PIEZO2: variants seen among roughly 807,000 people sequenced by gnomAD.
The protein encoded by PIEZO2 is piezo type mechanosensitive ion channel component 2.
Under a neutral mutation model 337.3 loss-of-function variants are expected in PIEZO2, and 172 were observed. The observed-to-expected ratio is 0.51, with a 90% CI of 0.45 to 0.58. The LOEUF (loss-of-function observed/expected upper bound fraction) is 0.58, where lower values mean the gene tolerates loss of function less well. Among genes scored for constraint, PIEZO2 ranks in the 20% least tolerant of loss-of-function variants. The probability of loss-of-function intolerance (pLI) is 0.00; values close to 1 mark genes in which losing one functional copy is unlikely to be tolerated. For synonymous variants in PIEZO2, 1,251 were observed against 1,228.5 expected, an observed-to-expected ratio of 1.02 and a Z score of -0.38; for missense variants, 3,028 against 3,391.3, an observed-to-expected ratio of 0.89 and a Z score of 2.66.
In PIEZO2 at chr18:10,775,283, CCA is replaced by C. The variant is rs2038744596; in HGVS notation, c.2535-1247_2535-1246del. ...GCAACCCATATCTTCTATACCAGTGCCACACACCAAATCTCAGGGAACACATT... is the reference window on the plus strand; with the variant it reads ...GCAACCCATATCTTCTATACCAGTGCCACACCAAATCTCAGGGAACACATT... On this transcript the variant is annotated intron_variant, in intron 18 of 55. Coordinates refer to ENST00000674853, the MANE Select transcript of PIEZO2 (RefSeq NM_001378183.1). This position sits in a 1 kb window ranked among gnomAD's most constrained non-coding sequence, Gnocchi z 4.3. Among the ~76,000 whole-genome samples, 1 of 152,118 alleles carries C rather than the reference CCA, an allele frequency of 6.6e-6. No homozygotes were observed. Among genetic ancestry groups the C allele is most frequent in the Non-Finnish European group, 1.5e-5 (1 of 68,026 alleles).
intron 36 of PIEZO2, among the ~76,000 whole-genome samples, chr18:10,730,789 C>G (rs184569781): frequency 7.6e-4 from 116 of 152,208 alleles, no homozygotes; most frequent in African/African-American, 2.3e-3. Context: ...TGCAGTGGTG[C>G]GATCTTGGCT....
Position 10,759,938 on chromosome 18 carries a change from A to T in PIEZO2, c.3451-29T>A, listed in dbSNP as rs1215712326. ...TGTAAAGATGAAAAGAGGCAAAAAA[A>T]AAAAATCAGGCATATGGGAAAGGGG... On this transcript the variant is annotated intron_variant, in intron 24 of 55. Transcript: ENST00000674853. This position sits in a 1 kb window ranked among gnomAD's most constrained non-coding sequence, Gnocchi z 5.5. 15 of 1,520,948 alleles carry T rather than the reference A, an allele frequency of 9.9e-6. No individual in the cohort carries two copies. Among genetic ancestry groups the T allele is most frequent in the South Asian group, 6.0e-5 (5 of 83,716 alleles). The allele number at this position is 1,520,948 out of a possible 1,614,324, so 94.2% of individuals were successfully genotyped here. A position where few individuals can be genotyped will look rare whatever the true frequency, so the allele number is the denominator to read the frequency against.
At chr18:10,777,294 T>C (rs1231876870) in intron 18 of PIEZO2, among the ~76,000 whole-genome samples, 1 of 152,210 alleles carries the variant, frequency 6.6e-6, no homozygotes, top group Non-Finnish European at 1.5e-5. Context: ...AGTATTTGTT[T>C]GTGTCTTCAC....
intron 7 of PIEZO2, among the ~76,000 whole-genome samples, chr18:10,808,763 G>T (rs1015520834): frequency 3.3e-5 from 5 of 152,138 alleles, no homozygotes; most frequent in African/African-American, 1.2e-4. Context: ...AAATGTTTTT[G>T]CAGCCCTAGA....
At chr18:11,041,571 GT>G (rs2037123234) in intron 2 of PIEZO2, among the ~76,000 whole-genome samples, 1 of 152,140 alleles carries the variant, frequency 6.6e-6, no homozygotes, top group Non-Finnish European at 1.5e-5. Flanking sequence ...ACATCATGAT[GT>G]TACTCATTGT....
At chr18:11,118,835 A>C (rs2039957932) in intron 1 of PIEZO2, among the ~76,000 whole-genome samples, 2 of 152,198 alleles carry the variant, frequency 1.3e-5, no homozygotes, top group African/African-American at 4.8e-5. Context: ...TAAATATCTT[A>C]GATAACGGTT....
chr18:10,852,441 G>A (rs2041582670), intron 7 of PIEZO2, among the ~76,000 whole-genome samples: 1 of 152,108 alleles, frequency 6.6e-6, no homozygotes, highest in Non-Finnish European at 1.5e-5. Context: ...GGATTTGACT[G>A]AATAGCTCTC....
At chr18:10,801,505 T>C in intron 9 of PIEZO2, 77 bp from the exon 10 acceptor site, 1 of 1,320,096 alleles carries the variant, frequency 7.6e-7, no homozygotes, top group South Asian at 1.3e-5. Context: ...TATAAAGTTT[T>C]ACTGTGCACA....
chr18:10,765,513 C>T lies in PIEZO2; in HGVS notation c.2947-2415G>A, dbSNP rs192181667. Among the ~76,000 whole-genome samples the T allele has an allele frequency of 1.2e-3, 190 of 152,102 alleles. 2 individuals carry two copies. The highest frequency in any genetic ancestry group is 4.3e-3 in the African/African-American group (178 of 41,494). On this transcript the variant is annotated intron_variant, in intron 21 of 55. Coordinates refer to ENST00000674853, the MANE Select transcript of PIEZO2 (RefSeq NM_001378183.1). ...TGCCCTGTGGGAAGACTATTCTGGC[C>T]GCATTGTGGAATACGTATTGCAAGG... is the stretch of plus-strand genomic sequence containing the variant.
At chr18:10,710,244 C>T (rs1349865491) in intron 39 of PIEZO2, among the ~76,000 whole-genome samples, 2 of 152,210 alleles carry the variant, frequency 1.3e-5, no homozygotes, top group Admixed American at 1.3e-4. Flanking sequence ...TAATCCCACA[C>T]AGTTGGGTTC....
At chr18:10,808,573 A>T (rs1224859980) in intron 7 of PIEZO2, among the ~76,000 whole-genome samples, 1 of 152,206 alleles carries the variant, frequency 6.6e-6, no homozygotes, top group Non-Finnish European at 1.5e-5. Context: ...AGCTAAATAG[A>T]TATTAAACTA....
intron 2 of PIEZO2, among the ~76,000 whole-genome samples, chr18:10,990,902 A>G (rs2145553278): frequency 6.6e-6 from 1 of 152,158 alleles, no homozygotes; most frequent in African/African-American, 2.4e-5. Context: ...GATAAAGTTG[A>G]CAATATTTTG....
chr18:10,693,948 TATA>T (rs1342092615), intron 47 of PIEZO2, among the ~76,000 whole-genome samples: 3 of 152,130 alleles, frequency 2.0e-5, no homozygotes, highest in Non-Finnish European at 2.9e-5. Flanking sequence ...ATGAAAAAAT[TATA>T]ATATTTGTAC....
chr18:10,951,649 G>A (rs1200612610), intron 3 of PIEZO2, among the ~76,000 whole-genome samples: 1 of 152,146 alleles, frequency 6.6e-6, no homozygotes, highest in African/African-American at 2.4e-5. Flanking sequence ...ACTTTCCAAG[G>A]TCCACCCCTG....
rs1442116841 is a variant in PIEZO2, at chr18:10,846,973, T to A, written c.917+8380A>T. On this transcript the variant is annotated intron_variant, in intron 7 of 55. Coordinates refer to ENST00000674853, the MANE Select transcript of PIEZO2 (RefSeq NM_001378183.1). The surrounding 1 kb of genome is among the most constrained non-coding windows in gnomAD (Gnocchi z 4.1). ...AATCAGTAGCACTTGATATGCTCTC[T>A]CCTGCTTACTACACCCACCCACTCT... Among the ~76,000 whole-genome samples, 1 of 152,188 alleles carries A rather than the reference T, an allele frequency of 6.6e-6. No individual in the cohort carries two copies. Among genetic ancestry groups the A allele is most frequent in the African/African-American group, 2.4e-5 (1 of 41,456 alleles).
At chr18:10,836,108 G>C (rs904374079) in intron 7 of PIEZO2, among the ~76,000 whole-genome samples, 10 of 152,082 alleles carry the variant, frequency 6.6e-5, no homozygotes, top group African/African-American at 2.4e-4. Flanking sequence ...CATGAGCAAA[G>C]TACCACAAAA....
At chr18:10,715,008 C>T in intron 38 of PIEZO2, 78 bp from the exon 39 acceptor site, 7 of 1,415,274 alleles carry the variant, frequency 4.9e-6, no homozygotes, top group Non-Finnish European at 6.7e-6. Context: ...TCAACACAGA[C>T]AGCTTTTCAT....
In PIEZO2 at chr18:10,773,568, C is replaced by T; in HGVS notation, c.2629G>A (p.Glu877Lys). 6.5e-7 allele frequency: 1 copy of T among 1,537,430 alleles called. No individual in the cohort carries two copies. Among genetic ancestry groups the T allele is most frequent in the South Asian group, 1.2e-5 (1 of 84,068 alleles). ...LTMMHLTASL[E>K]KPEVRKLAEP... ...GCCAACTTCCTCACCTCCGGCTTCT[C>T]CAGGCTGGCAGTCAGATGCATCATG... is the stretch of plus-strand genomic sequence containing the variant. The change falls in exon 20 of 56, where the codon GAG becomes AAG. Residue 877 changes from glutamate to lysine, a missense_variant. By Grantham distance (56) the Glu-to-Lys change is moderately conservative. Around this residue, in one of 5 missense-constraint regions of PIEZO2, gnomAD observed 1,925 missense variants for 2,051.9 expected, o/e 0.94. Coordinates refer to ENST00000674853, the MANE Select transcript of PIEZO2 (RefSeq NM_001378183.1). The surrounding 1 kb of genome is among the most constrained non-coding windows in gnomAD (Gnocchi z 5.3).
intron 7 of PIEZO2, among the ~76,000 whole-genome samples, chr18:10,848,466 TATC>T (rs1354139638): frequency 3.9e-5 from 6 of 152,224 alleles, no homozygotes; most frequent in Non-Finnish European, 7.3e-5. Context: ...ATTTTCTAAT[TATC>T]ATGATTTATT....
Sources: allele counts gnomAD v4.1 joint callset (sites outside exome capture counted in the v4.1 genomes callset), GRCh38; gene constraint gnomAD v4.1.1; regional missense constraint gnomAD v4.1.1; non-coding constraint Gnocchi (gnomAD v3.1); transcripts MANE v1.5; gene names NCBI Gene and HGNC (gene_info 2026-07-23, HGNC 2026-07-21).